The following PCDH7 variants were observed in gnomAD, a reference collection of about 807,000 sequenced individuals.
PCDH7 encodes protocadherin 7.
In PCDH7, 17 loss-of-function variants were observed where a neutral mutation model predicts 58.9. The ratio of observed to expected loss-of-function variants is 0.29; its 90% confidence interval spans 0.20 to 0.43. The LOEUF (loss-of-function observed/expected upper bound fraction) is 0.43, where lower values mean the gene tolerates loss of function less well. Ranked by LOEUF, PCDH7 falls within the 20% of genes least tolerant of loss-of-function variation. The pLI, the probability that PCDH7 is intolerant of heterozygous loss-of-function variation, is 1.00. For synonymous variants in PCDH7, 664 were observed against 616.4 expected (o/e 1.08, Z -1.14); for missense variants, 1,274 against 1,441.0 (o/e 0.88, Z 1.88).
chr4:31,102,314 A>G (rs993709909), intron 3 of PCDH7, among the ~76,000 whole-genome samples: 9 of 152,148 alleles, frequency 5.9e-5, no homozygotes, highest in Non-Finnish European at 2.9e-5. Flanking sequence ...TTATTTTGCT[A>G]GCCACTCTGG....
chr4:31,126,321 A>AT (rs939742605), intron 3 of PCDH7, among the ~76,000 whole-genome samples: 4 of 151,590 alleles, frequency 2.6e-5, no homozygotes, highest in African/African-American at 7.3e-5. Context: ...ATACCCAGCT[A>AT]TTTTTTTATT....
At chr4:30,875,492 A>T (rs891676969) in intron 1 of PCDH7, among the ~76,000 whole-genome samples, 1 of 152,086 alleles carries the variant, frequency 6.6e-6, no homozygotes, top group Admixed American at 6.6e-5. Flanking sequence ...GAGCTTAGAA[A>T]TGAGAGATTC....
At chr4:30,748,390 A>C (rs1018524283) in intron 1 of PCDH7, among the ~76,000 whole-genome samples, 1 of 152,312 alleles carries the variant, frequency 6.6e-6, no homozygotes, top group Non-Finnish European at 1.5e-5. Context: ...TTTGGCTCAC[A>C]GTTCTGGTGG....
chr4:31,126,762 A>G (rs1301672388), intron 3 of PCDH7, among the ~76,000 whole-genome samples: 1 of 152,220 alleles, frequency 6.6e-6, no homozygotes, highest in Non-Finnish European at 1.5e-5. Context: ...CAAATGGTTA[A>G]TATAGTTCAC....
chr4:31,049,844 T>C (rs913083735), intron 3 of PCDH7, among the ~76,000 whole-genome samples: 7 of 152,118 alleles, frequency 4.6e-5, no homozygotes, highest in African/African-American at 1.7e-4. Context: ...TCATGAAAGA[T>C]AATATATTCT....
chr4:30,898,871 G>A (rs1348446313), intron 1 of PCDH7, among the ~76,000 whole-genome samples: 4 of 152,122 alleles, frequency 2.6e-5, no homozygotes, highest in Non-Finnish European at 5.9e-5. Flanking sequence ...GATTACAGGC[G>A]TGAGCCACGG....
intron 3 of PCDH7, among the ~76,000 whole-genome samples, chr4:31,130,456 A>C (rs1437630232): frequency 6.6e-6 from 1 of 152,210 alleles, no homozygotes; most frequent in African/African-American, 2.4e-5. Flanking sequence ...TAATGGATGA[A>C]ATATAGGTAC....
At chr4:31,065,638 A>G (rs997234912) in intron 3 of PCDH7, among the ~76,000 whole-genome samples, 1 of 152,004 alleles carries the variant, frequency 6.6e-6, no homozygotes, top group Admixed American at 6.6e-5. Context: ...CATTAAGTCA[A>G]TCAGCACGTA....
intron 3 of PCDH7, among the ~76,000 whole-genome samples, chr4:31,099,670 C>G (rs1019458481): frequency 6.6e-6 from 1 of 152,204 alleles, no homozygotes; most frequent in Admixed American, 6.5e-5. Context: ...ATTTCACATA[C>G]GGTGAAATTG....
chr4:31,123,570 A>G (rs1717932158), intron 3 of PCDH7, among the ~76,000 whole-genome samples: 1 of 152,180 alleles, frequency 6.6e-6, no homozygotes, highest in Non-Finnish European at 1.5e-5. Context: ...AAGGTTGCCC[A>G]TGACCTCTGG....
chr4:30,750,826 A>G (rs1215283339), intron 1 of PCDH7, among the ~76,000 whole-genome samples: 1 of 152,144 alleles, frequency 6.6e-6, no homozygotes, highest in Non-Finnish European at 1.5e-5. Flanking sequence ...ATATGAACAA[A>G]CTATTATAAC....
chr4:30,949,477 T>C (rs1397893162), intron 2 of PCDH7, among the ~76,000 whole-genome samples: 3 of 152,148 alleles, frequency 2.0e-5, no homozygotes, highest in Non-Finnish European at 4.4e-5. Context: ...TCTGTGCATT[T>C]ATACTTTTTG....
chr4:30,855,820 T>C (rs2109350103), intron 1 of PCDH7, among the ~76,000 whole-genome samples: 1 of 152,198 alleles, frequency 6.6e-6, no homozygotes, highest in African/African-American at 2.4e-5. Flanking sequence ...ACCATGAAAT[T>C]TAAGAATCCT....
chr4:31,115,128 A>T (rs1296488014), intron 3 of PCDH7, among the ~76,000 whole-genome samples: 1 of 152,192 alleles, frequency 6.6e-6, no homozygotes, highest in East Asian at 1.9e-4. Flanking sequence ...TAGAAGGAAA[A>T]ACATAGACAG....
intron 3 of PCDH7, among the ~76,000 whole-genome samples, chr4:31,001,031 G>T (rs1038749101): frequency 7.9e-5 from 12 of 152,008 alleles, no homozygotes; most frequent in African/African-American, 2.7e-4. Context: ...GTGGGCAAAA[G>T]AATGTTGATA....
chr4:30,909,359 G>A lies in PCDH7; in HGVS notation c.71-10794G>A, dbSNP rs13145344. Reference sequence around the variant, plus strand: ...AATCAGGCAAGAGAAAGAAATAAATGGTATTCAAATAGAAAGAGAGGAAGT... The same window carrying A: ...AATCAGGCAAGAGAAAGAAATAAATAGTATTCAAATAGAAAGAGAGGAAGT... On this transcript the variant is annotated intron_variant, in intron 1 of 3. Coordinates refer to the PCDH7 transcript ENST00000509759. Among the ~76,000 whole-genome samples the A allele has an allele frequency of 7.9e-3, 1,208 of 152,112 alleles. 13 individuals are homozygous for A. The highest frequency in any genetic ancestry group is 0.013 in the Non-Finnish European group (916 of 67,992).
chr4:31,056,058 T>A (rs933544975), intron 3 of PCDH7, among the ~76,000 whole-genome samples: 2 of 152,078 alleles, frequency 1.3e-5, no homozygotes, highest in African/African-American at 4.8e-5. Context: ...TAAGAATGTA[T>A]CCCAGAAGTG....
chr4:30,858,481 T>C (rs1733773145), intron 1 of PCDH7, among the ~76,000 whole-genome samples: 1 of 152,192 alleles, frequency 6.6e-6, no homozygotes, highest in African/African-American at 2.4e-5. Flanking sequence ...TTTTTCTTTG[T>C]AGTGAGGATA....
At chr4:30,898,710 C>T (rs1228768153) in intron 1 of PCDH7, among the ~76,000 whole-genome samples, 13 of 152,160 alleles carry the variant, frequency 8.5e-5, no homozygotes, top group Admixed American at 4.6e-4. Context: ...CCTGCGTGAG[C>T]CTCCCGAGTA....
Sources: gnomAD v4.1 joint callset for allele counts (sites outside exome capture counted in the v4.1 genomes callset) on GRCh38, gnomAD v4.1.1 for gene constraint, MANE v1.5 for transcripts, NCBI Gene and HGNC (gene_info 2026-07-23, HGNC 2026-07-21) for gene names.